DLG2: variants seen among roughly 807,000 people sequenced by gnomAD.
The protein encoded by DLG2 is disks large homolog 2.
A neutral mutation model predicts 132.5 loss-of-function variants in DLG2; 45 were observed. The observed-to-expected ratio is 0.34, with a 90% CI of 0.27 to 0.44. The LOEUF (loss-of-function observed/expected upper bound fraction) is 0.44. Among genes scored for constraint, DLG2 ranks in the 20% least tolerant of loss-of-function variants. The pLI is 1.00. For synonymous variants in DLG2, 424 were observed against 419.6 expected (o/e 1.01, Z -0.13); for missense variants, 1,045 against 1,196.9 (o/e 0.87, Z 1.87).
intron 3 of DLG2, among the ~76,000 whole-genome samples, chr11:85,370,879 T>TAA (rs2084924285): frequency 6.6e-6 from 1 of 152,194 alleles, no homozygotes; most frequent in Admixed American, 6.5e-5. Context: ...GTTATATATA[T>TAA]AATGCTAATA....
intron 9 of DLG2, among the ~76,000 whole-genome samples, chr11:84,138,239 G>C (rs887478194): frequency 1.3e-5 from 2 of 152,168 alleles, no homozygotes; most frequent in Non-Finnish European, 2.9e-5. Flanking sequence ...ATTAGGTAAG[G>C]TAATACAATG....
chr11:84,307,323 C>A (rs897056412), intron 7 of DLG2, among the ~76,000 whole-genome samples: 1 of 151,986 alleles, frequency 6.6e-6, no homozygotes, highest in African/African-American at 2.4e-5. Flanking sequence ...CAAAGGGGAA[C>A]AATAGACACC....
chr11:84,474,801 G>T (rs796610216), intron 7 of DLG2, among the ~76,000 whole-genome samples: 1 of 152,010 alleles, frequency 6.6e-6, no homozygotes, highest in South Asian at 2.1e-4. Flanking sequence ...CTTGAAGAGT[G>T]GGGCCATGGC....
chr11:83,553,298 A>T (rs1269698018), intron 19 of DLG2, among the ~76,000 whole-genome samples: 1 of 152,148 alleles, frequency 6.6e-6, no homozygotes, highest in Non-Finnish European at 1.5e-5. Context: ...TATCAATGCC[A>T]TCTCATAATT....
At chr11:83,981,432 T>A (rs200883054) in intron 11 of DLG2, among the ~76,000 whole-genome samples, 3 of 151,720 alleles carry the variant, frequency 2.0e-5, no homozygotes, top group South Asian at 4.1e-4. Flanking sequence ...TGTTAAAAAA[T>A]TAATTAATTA....
chr11:83,799,469 A>C (rs188960301), intron 17 of DLG2, among the ~76,000 whole-genome samples: 2 of 152,330 alleles, frequency 1.3e-5, no homozygotes, highest in Admixed American at 1.3e-4. Flanking sequence ...CAATGATACA[A>C]ATAATTAAGG....
At chr11:84,062,615 G>T (rs2096608468) in intron 10 of DLG2, among the ~76,000 whole-genome samples, 1 of 152,118 alleles carries the variant, frequency 6.6e-6, no homozygotes, top group East Asian at 1.9e-4. Flanking sequence ...AAAGACAGTG[G>T]AATTTTACTG....
At chr11:84,301,676 A>T (rs865997402) in intron 7 of DLG2, among the ~76,000 whole-genome samples, 4,879 of 147,644 alleles carry the variant, frequency 0.033, 153 homozygotes, top group Non-Finnish European at 0.046. Context: ...AAAAAAAAAA[A>T]GTCAAGAAAC....
At chr11:83,595,618 G>C (rs2057439304) in intron 19 of DLG2, among the ~76,000 whole-genome samples, 1 of 152,204 alleles carries the variant, frequency 6.6e-6, no homozygotes, top group Non-Finnish European at 1.5e-5. Flanking sequence ...AACTAAAAAT[G>C]CTGTTACTGA....
chr11:85,242,267 G>GT (rs1337761169), intron 4 of DLG2, among the ~76,000 whole-genome samples: 1 of 151,202 alleles, frequency 6.6e-6, no homozygotes, highest in African/African-American at 2.4e-5. Context: ...TATCATTTTG[G>GT]TTTTTTTTCC....
At chr11:85,207,369 C>A (rs1294140185) in intron 4 of DLG2, among the ~76,000 whole-genome samples, 1 of 152,190 alleles carries the variant, frequency 6.6e-6, no homozygotes, top group African/African-American at 2.4e-5. Context: ...ACAACAAATT[C>A]TCTCTAAAGT....
chr11:83,621,024 A>G (rs1403550849), intron 19 of DLG2, among the ~76,000 whole-genome samples: 2 of 152,048 alleles, frequency 1.3e-5, no homozygotes, highest in Non-Finnish European at 1.5e-5. Context: ...TAGAAAAAAT[A>G]TGGAGATCTA....
intron 2 of DLG2, among the ~76,000 whole-genome samples, chr11:85,615,832 C>T (rs1390619931): frequency 1.3e-5 from 2 of 151,874 alleles, no homozygotes; most frequent in East Asian, 1.9e-4. Flanking sequence ...CAGGCTTGTT[C>T]CAGAAGCTGA....
intron 5 of DLG2, among the ~76,000 whole-genome samples, chr11:85,140,667 T>C (rs900511797): frequency 2.6e-5 from 4 of 151,744 alleles, no homozygotes; most frequent in Non-Finnish European, 5.9e-5. Context: ...AAATACTAGA[T>C]CTTATTCATT....
chr11:84,117,450 G>A (rs2093687538), intron 9 of DLG2, among the ~76,000 whole-genome samples: 1 of 152,122 alleles, frequency 6.6e-6, no homozygotes, highest in South Asian at 2.1e-4. Flanking sequence ...GCTTAAGTCT[G>A]GGCTTTTCTC....
intron 19 of DLG2, among the ~76,000 whole-genome samples, chr11:83,587,628 C>T (rs2097108060): frequency 1.3e-5 from 2 of 152,134 alleles, no homozygotes; most frequent in African/African-American, 4.8e-5. Flanking sequence ...CTCTATGTAT[C>T]TATAGAATTT....
At chr11:85,617,796 T>C (rs2081440091) in intron 2 of DLG2, among the ~76,000 whole-genome samples, 1 of 152,152 alleles carries the variant, frequency 6.6e-6, no homozygotes, top group African/African-American at 2.4e-5. Flanking sequence ...GATGTCACAG[T>C]CCTTCAAAAT....
chr11:85,510,277 G>C (rs113047971), intron 3 of DLG2, among the ~76,000 whole-genome samples: 100 of 152,162 alleles, frequency 6.6e-4, no homozygotes, highest in African/African-American at 2.3e-3. Context: ...TGATAGGCCA[G>C]GATAAGAAAT....
At chr11:85,074,284 A>C (rs2066242812) in intron 6 of DLG2, among the ~76,000 whole-genome samples, 1 of 151,876 alleles carries the variant, frequency 6.6e-6, no homozygotes, top group South Asian at 2.1e-4. Context: ...CTTGGGATTG[A>C]ATCTTTTCTC....
Sources: gnomAD v4.1 joint callset for allele counts (sites outside exome capture counted in the v4.1 genomes callset) on GRCh38, gnomAD v4.1.1 for gene constraint, MANE v1.5 for transcripts, NCBI Gene and HGNC (gene_info 2026-07-23, HGNC 2026-07-21) for gene names.